The following CNTN1 variants were observed in gnomAD, a reference collection of about 807,000 sequenced individuals.
CNTN1 encodes contactin-1.
CNTN1 carries 38 observed loss-of-function variants against 126.4 expected under a neutral mutation model. The ratio of observed to expected loss-of-function variants is 0.30; its 90% CI spans 0.23 to 0.39. CNTN1 has a LOEUF of 0.39. Ranked by LOEUF, CNTN1 falls within the 10% of genes least tolerant of loss-of-function variation. The pLI is 1.00. For synonymous variants in CNTN1, 413 were observed against 422.6 expected (o/e 0.98, Z 0.28); for missense variants, 1,009 against 1,248.4 (o/e 0.81, Z 2.89).
At chr12:41,022,837 A>G (rs1269328608) in intron 20 of CNTN1, among the ~76,000 whole-genome samples, 1 of 152,200 alleles carries the variant, frequency 6.6e-6, no homozygotes, top group Non-Finnish European at 1.5e-5. Context: ...GCCTCTCCAG[A>G]GAACGGTTGA....
chr12:40,914,598 A>T (rs950048752), intron 3 of CNTN1, among the ~76,000 whole-genome samples: 1 of 152,152 alleles, frequency 6.6e-6, no homozygotes, highest in African/African-American at 2.4e-5. Context: ...AGTGTGTCCT[A>T]TTCTGCTTTT....
At chr12:41,021,700 A>G (rs1232346286) in intron 20 of CNTN1, among the ~76,000 whole-genome samples, 1 of 150,612 alleles carries the variant, frequency 6.6e-6, no homozygotes, top group Non-Finnish European at 1.5e-5. Flanking sequence ...CCCTCAGATC[A>G]TCTATGCAAG....
At chr12:40,925,558 C>CACGTATATATACGTATAT (rs1945620360) in intron 6 of CNTN1, among the ~76,000 whole-genome samples, 4 of 123,310 alleles carry the variant, frequency 3.2e-5, no homozygotes, top group Non-Finnish European at 6.8e-5. Flanking sequence ...TATATATATA[C>CACGTATATATACGTATAT]ACGTATATAT....
intron 6 of CNTN1, among the ~76,000 whole-genome samples, chr12:40,927,682 G>T (rs958938750): frequency 7.2e-5 from 11 of 152,060 alleles, no homozygotes; most frequent in African/African-American, 2.4e-4. Flanking sequence ...TATATTGCAA[G>T]TCCCACAAAT....
chr12:41,025,365 G>C (rs1949016204), intron 21 of CNTN1, 29 bp downstream of exon 21: 1 of 1,602,294 alleles, frequency 6.2e-7, no homozygotes, highest in Non-Finnish European at 8.5e-7. Context: ...TTTTAGACTT[G>C]TCAAAAACTA....
At chr12:40,885,221 G>C (rs1361301615) in intron 1 of CNTN1, among the ~76,000 whole-genome samples, 1 of 151,722 alleles carries the variant, frequency 6.6e-6, no homozygotes. Flanking sequence ...ACATGACTCA[G>C]GTGTTTCATC....
Position 40,939,419 on chromosome 12 carries a change from C to G in CNTN1, c.1313C>G (p.Pro438Arg). The change falls in exon 12 of 24, where the codon CCT becomes CGT. Residue 438 changes from proline to arginine, a missense_variant. Pro to Arg is a moderately radical substitution (Grantham distance 103). Coordinates refer to ENST00000551295, the MANE Select transcript of CNTN1 (RefSeq NM_001843.4). Reference sequence around the variant, plus strand: ...GGAAGGGTGATAATTGAATGCAAACCTAAAGCTGCACCGAAACCAAAGTTT... The same window carrying G: ...GGAAGGGTGATAATTGAATGCAAACGTAAAGCTGCACCGAAACCAAAGTTT... ...KGGRVIIECKPKAAPKPKFSW... is the reference protein window; with the variant it reads ...KGGRVIIECKRKAAPKPKFSW... 1 of 1,613,770 alleles carries G rather than the reference C, an allele frequency of 6.2e-7. No individual in the cohort carries two copies. The highest frequency in any genetic ancestry group is 2.2e-5 in the East Asian group (1 of 44,840).
In CNTN1 at chr12:40,858,797, A is replaced by G. The variant is rs560453358; in HGVS notation, c.-76-49560A>G. Among the ~76,000 whole-genome samples, 30 of 152,318 alleles carry G rather than the reference A, an allele frequency of 2.0e-4. No homozygotes were observed. The South Asian group carries it at 6.0e-3, about 31-fold the overall frequency. On this transcript the variant is annotated intron_variant, in intron 1 of 23. Transcript: ENST00000551295. ...ATACACCATGGAATACTATGCAGCC[A>G]TAAGAAGGAACAAGATCATGTCCTT...
At chr12:40,852,763 G>C (rs1047957211) in intron 1 of CNTN1, among the ~76,000 whole-genome samples, 2 of 151,916 alleles carry the variant, frequency 1.3e-5, no homozygotes, top group African/African-American at 4.8e-5. Context: ...TTGCTTTTGT[G>C]TGAAAACTTT....
intron 1 of CNTN1, among the ~76,000 whole-genome samples, chr12:40,826,046 TG>T (rs1941605200): frequency 6.6e-6 from 1 of 152,178 alleles, no homozygotes; most frequent in Non-Finnish European, 1.5e-5. Flanking sequence ...ACTAAGCTAA[TG>T]CTCTTCCCAG....
intron 3 of CNTN1, among the ~76,000 whole-genome samples, chr12:40,911,076 AATTTATTT>A (rs1157139427): frequency 1.3e-5 from 2 of 151,864 alleles, no homozygotes; most frequent in Non-Finnish European, 2.9e-5. Flanking sequence ...GGCACTTTTT[AATTTATTT>A]ATTTATTTAT....
At chr12:40,894,276 C>A (rs940225295) in intron 1 of CNTN1, among the ~76,000 whole-genome samples, 1 of 152,118 alleles carries the variant, frequency 6.6e-6, no homozygotes, top group African/African-American at 2.4e-5. Flanking sequence ...CACTTCACTG[C>A]ATTGAAGAAG....
At chr12:40,793,180 T>G (rs1008954644) in intron 1 of CNTN1, among the ~76,000 whole-genome samples, 1 of 152,134 alleles carries the variant, frequency 6.6e-6, no homozygotes, top group African/African-American at 2.4e-5. Context: ...ACCATCTTGC[T>G]GGCCACACCT....
chr12:40,996,965 TC>T (rs1283399933), intron 17 of CNTN1, among the ~76,000 whole-genome samples: 3 of 152,196 alleles, frequency 2.0e-5, no homozygotes, highest in Admixed American at 6.5e-5. Flanking sequence ...GAAAGGTTGG[TC>T]CCCAGCCTCA....
intron 23 of CNTN1, among the ~76,000 whole-genome samples, chr12:41,058,994 G>A (rs1949884963): frequency 1.3e-5 from 2 of 151,986 alleles, no homozygotes; most frequent in Non-Finnish European, 2.9e-5. Flanking sequence ...AACTTCATGT[G>A]CATATAGCAA....
intron 1 of CNTN1, among the ~76,000 whole-genome samples, chr12:40,850,963 G>A (rs1283141605): frequency 1.3e-5 from 2 of 152,134 alleles, no homozygotes; most frequent in Non-Finnish European, 2.9e-5. Context: ...GGCACGAAAC[G>A]ATTTATTTCC....
chr12:40,765,605 T>A (rs1034300408), intron 1 of CNTN1, among the ~76,000 whole-genome samples: 4 of 152,184 alleles, frequency 2.6e-5, no homozygotes, highest in African/African-American at 4.8e-5. Context: ...TGGAGTTCAG[T>A]GGCTAACTGT....
At chr12:40,932,686 T>G (rs1945931773) in intron 7 of CNTN1, among the ~76,000 whole-genome samples, 1 of 151,946 alleles carries the variant, frequency 6.6e-6, no homozygotes, top group Non-Finnish European at 1.5e-5. Flanking sequence ...AATGCCATAT[T>G]TGCCTCAGAG....
intron 1 of CNTN1, among the ~76,000 whole-genome samples, chr12:40,824,271 T>C (rs1237565818): frequency 1.3e-5 from 2 of 152,154 alleles, no homozygotes; most frequent in African/African-American, 4.8e-5. Context: ...ATAGAGAAAC[T>C]TGAGTTTCTC....
Sources: allele counts gnomAD v4.1 joint callset (sites outside exome capture counted in the v4.1 genomes callset), GRCh38; gene constraint gnomAD v4.1.1; transcripts MANE v1.5; gene names NCBI Gene and HGNC (gene_info 2026-07-23, HGNC 2026-07-21).